Variants in IP6K1 observed in about 807,000 individuals in gnomAD.
IP6K1 encodes ATP:1D-myo-inositol-hexakisphosphate phosphotransferase.
IP6K1 carries 13 observed loss-of-function variants against 38.3 expected under a neutral mutation model. The observed-to-expected ratio is 0.34, with a 90% CI of 0.22 to 0.54. IP6K1 has a LOEUF of 0.54. Ranked by LOEUF, IP6K1 falls within the 20% of genes least tolerant of loss-of-function variation. The probability of loss-of-function intolerance (pLI) is 0.92; values close to 1 mark genes in which losing one functional copy is unlikely to be tolerated. For missense variants in IP6K1, 397 were observed against 599.8 expected (o/e 0.66, Z 3.53); for synonymous variants, 212 against 229.9 (o/e 0.92, Z 0.70).
rs71080545 is a variant in IP6K1 at position 49,731,887 on chromosome 3, C to CAAAAAAAAAAAAAAA, written c.616+889_616+903dup. ...TGGGTAACAGAGTGAGACTCTGTCT[C>CAAAAAAAAAAAAAAA]AAAAAAAAAAAAAAAAAAGGAATTC... On this transcript the variant is annotated intron_variant, in intron 4 of 5. Transcript: ENST00000321599. 1.7e-3 allele frequency among the ~76,000 whole-genome samples: 112 copies of CAAAAAAAAAAAAAAA among 65,312 alleles called. 7 individuals are homozygous for CAAAAAAAAAAAAAAA. The highest frequency in any genetic ancestry group is 8.5e-3 in the East Asian group (10 of 1,178). The allele number at this position is 65,312 out of a possible 152,430, so 42.8% of individuals were successfully genotyped here.
At chr3:49,773,873 A>T (rs2080982029) in intron 1 of IP6K1, among the ~76,000 whole-genome samples, 1 of 151,932 alleles carries the variant, frequency 6.6e-6, no homozygotes, top group African/African-American at 2.4e-5. Flanking sequence ...GTTTCAGAAT[A>T]TTCACTAGCT....
At chr3:49,776,129 G>C (rs2081006289) in intron 1 of IP6K1, among the ~76,000 whole-genome samples, 1 of 151,724 alleles carries the variant, frequency 6.6e-6, no homozygotes, top group Non-Finnish European at 1.5e-5. Flanking sequence ...TGAGAAATTG[G>C]AAACCCTTTC....
At chr3:49,762,814 C>A (rs576911005) in intron 1 of IP6K1, among the ~76,000 whole-genome samples, 1 of 151,838 alleles carries the variant, frequency 6.6e-6, no homozygotes, top group East Asian at 1.9e-4. Flanking sequence ...ACTCTGTGAC[C>A]CAGGCTGGAG....
intron 1 of IP6K1, among the ~76,000 whole-genome samples, chr3:49,783,344 T>C (rs1575333025): frequency 6.8e-6 from 1 of 147,172 alleles, no homozygotes. Flanking sequence ...CTGTCAGGAG[T>C]GACCAGCCTG....
intron 1 of IP6K1, chr3:49,775,643 C>A (rs1430569100): frequency 2.8e-6 from 2 of 715,094 alleles, no homozygotes; most frequent in Admixed American, 5.5e-5. Context: ...CTCCCCACAA[C>A]ATCAAGCTGC....
At chr3:49,738,037 A>T (rs2080629820) in intron 3 of IP6K1, among the ~76,000 whole-genome samples, 175 bp downstream of exon 3, 2 of 152,192 alleles carry the variant, frequency 1.3e-5, no homozygotes, top group Admixed American at 6.5e-5. Context: ...ATACCCAGAA[A>T]GAGGCACCAC....
At position 49,727,731 on chromosome 3, in the gene IP6K1, C is replaced by A; in HGVS notation, c.793-76G>T. 1.4e-6 allele frequency: 2 copies of A among 1,462,858 alleles called. No individual in the cohort carries two copies. The highest frequency in any genetic ancestry group is 2.1e-5 in the Admixed American group (1 of 47,858). 90.6% of individuals were successfully genotyped at this position (1,462,858 alleles called of 1,614,324 possible). ...TCACAGTGCCCTGGGCAAACACTGT[C>A]TGGAAGGGACTTTGACCAACCTGAG... On this transcript the variant is annotated intron_variant, in intron 5 of 5. Transcript: ENST00000321599. This position sits in a 1 kb window ranked among gnomAD's most constrained non-coding sequence, Gnocchi z 5.9.
intron 1 of IP6K1, among the ~76,000 whole-genome samples, chr3:49,769,547 T>C (rs1055791455): frequency 1.3e-5 from 2 of 152,294 alleles, no homozygotes; most frequent in African/African-American, 2.4e-5. Context: ...AGCAAACCAA[T>C]GGGGAGAGAA....
chr3:49,766,366 T>C (rs2080911390), intron 1 of IP6K1, among the ~76,000 whole-genome samples: 1 of 135,384 alleles, frequency 7.4e-6, no homozygotes, highest in African/African-American at 2.8e-5. Flanking sequence ...CGAAACTCTG[T>C]CTAAAAAAAA....
At chr3:49,765,646 A>T (rs1465476929) in intron 1 of IP6K1, among the ~76,000 whole-genome samples, 2 of 37,880 alleles carry the variant, frequency 5.3e-5, no homozygotes, top group African/African-American at 3.1e-4. Context: ...GACTCGTCTT[A>T]AAAAAAAAAA....
intron 1 of IP6K1, among the ~76,000 whole-genome samples, chr3:49,771,205 A>C (rs914737222): frequency 1.3e-5 from 2 of 148,592 alleles, no homozygotes; most frequent in African/African-American, 2.5e-5. Flanking sequence ...AAAAAAAAAA[A>C]AAAAAAACCC....
At chr3:49,733,006 C>T (rs982715700) in intron 3 of IP6K1, 34 bp from the exon 4 acceptor site, 9 of 1,561,480 alleles carry the variant, frequency 5.8e-6, no homozygotes, top group African/African-American at 5.4e-5. Context: ...CACTAAGAAA[C>T]TCAGGCAAGT....
chr3:49,731,757 G>A lies in IP6K1; in HGVS notation c.616+1034C>T, dbSNP rs561790774. Reference sequence around the variant, plus strand: ...CCCATTCTAGGCTGGGCGTGGTGGCGCACGCCTGTAATCCCAGCTACTGGG... The same window carrying A: ...CCCATTCTAGGCTGGGCGTGGTGGCACACGCCTGTAATCCCAGCTACTGGG... On this transcript the variant is annotated intron_variant, in intron 4 of 5. Transcript: ENST00000321599. Among the ~76,000 whole-genome samples, 6 of 151,904 alleles carry A rather than the reference G, an allele frequency of 3.9e-5. No homozygotes were observed. In the East Asian group the frequency reaches 5.8e-4, roughly 15 times the overall value.
At position 49,727,671 on chromosome 3, in the gene IP6K1, G is replaced by GCAGA. The variant is rs2080521609; in HGVS notation, c.793-20_793-17dup. ...GCTGGTACACCTGAAACCCCAGGAG[G>GCAGA]CAGACAGGGTGAGTGCCAGGGAAGT... On this transcript the variant is annotated splice_polypyrimidine_tract_variant and intron_variant, in intron 5 of 5. Transcript: ENST00000321599. This position sits in a 1 kb window ranked among gnomAD's most constrained non-coding sequence, Gnocchi z 5.9. The GCAGA allele has an allele frequency of 6.2e-7, 1 of 1,608,180 alleles. No individual in the cohort carries two copies. The highest frequency in any genetic ancestry group is 1.7e-5 in the Admixed American group (1 of 59,778).
chr3:49,746,106 A>G (rs1440719211), intron 2 of IP6K1, among the ~76,000 whole-genome samples: 1 of 152,106 alleles, frequency 6.6e-6, no homozygotes, highest in East Asian at 1.9e-4. Context: ...TGCTGGTAAG[A>G]AGGCAAAGTG....
intron 1 of IP6K1, among the ~76,000 whole-genome samples, chr3:49,760,424 G>T (rs1044857097): frequency 4.6e-5 from 7 of 152,064 alleles, no homozygotes; most frequent in African/African-American, 1.7e-4. Flanking sequence ...AGGAGTTCAA[G>T]AACAGTCTGG....
intron 1 of IP6K1, among the ~76,000 whole-genome samples, chr3:49,757,941 T>C (rs987279774): frequency 6.6e-6 from 1 of 152,088 alleles, no homozygotes; most frequent in Non-Finnish European, 1.5e-5. Flanking sequence ...CTAGGAAAGG[T>C]GAAGCCAAAG....
At chr3:49,733,046 C>T in intron 3 of IP6K1, 74 bp from the exon 4 acceptor site, 1 of 1,153,122 alleles carries the variant, frequency 8.7e-7, no homozygotes, top group East Asian at 2.4e-5. Flanking sequence ...GCACAGGGCA[C>T]AGATCTGTCC....
intron 2 of IP6K1, among the ~76,000 whole-genome samples, chr3:49,742,313 GCT>G (rs1450942742): frequency 1.3e-5 from 2 of 152,208 alleles, no homozygotes; most frequent in East Asian, 3.9e-4. Flanking sequence ...ACTTTGGGAG[GCT>G]GAGGGGGGCG....
Sources: allele counts gnomAD v4.1 joint callset (sites outside exome capture counted in the v4.1 genomes callset), GRCh38; gene constraint gnomAD v4.1.1; non-coding constraint Gnocchi (gnomAD v3.1); transcripts MANE v1.5; gene names NCBI Gene and HGNC (gene_info 2026-07-23, HGNC 2026-07-21).